The following COG6 variants were observed in gnomAD, a reference collection of about 807,000 sequenced individuals.
The protein encoded by COG6 is component of oligomeric golgi complex 6.
COG6 carries 74 observed loss-of-function variants against 88.8 expected under a neutral mutation model. That is an observed-to-expected ratio of 0.83 (90% CI 0.69 to 1.01). COG6 has a LOEUF of 1.01. Ranked by LOEUF, COG6 falls within the 50% of genes least tolerant of loss-of-function variation. COG6 has a pLI of 0.00. For synonymous variants in COG6, 286 were observed against 278.7 expected (o/e 1.03, Z -0.26); for missense variants, 800 against 797.9 (o/e 1.00, Z -0.03).
intron 17 of COG6, among the ~76,000 whole-genome samples, chr13:39,725,253 A>G (rs1488244426): frequency 1.3e-5 from 2 of 151,924 alleles, no homozygotes; most frequent in African/African-American, 4.8e-5. Context: ...AACAACAGCC[A>G]TTAACATTAG....
chr13:39,739,834 T>C (rs900482366), intron 18 of COG6, among the ~76,000 whole-genome samples: 2 of 152,154 alleles, frequency 1.3e-5, no homozygotes, highest in Non-Finnish European at 1.5e-5. Flanking sequence ...ATAAAACTTA[T>C]TAATTTTAAA....
At chr13:39,656,404 A>T (rs1303233023) in intron 1 of COG6, 2 of 338,626 alleles carry the variant, frequency 5.9e-6, no homozygotes, top group Non-Finnish European at 1.2e-5. Flanking sequence ...GGCTGAAATG[A>T]ACTCATATCT....
At position 39,673,012 on chromosome 13, in the gene COG6, T is replaced by C. The variant is rs572894656; in HGVS notation, c.429-4456T>C. Reference sequence around the variant, plus strand: ...ATGTCAAGCATCTTTTTTTTGCTTATTGGTATTTGCATATTTTCTTTGGAG... The same window carrying C: ...ATGTCAAGCATCTTTTTTTTGCTTACTGGTATTTGCATATTTTCTTTGGAG... On this transcript the variant is annotated intron_variant, in intron 4 of 18. Coordinates refer to ENST00000455146, the MANE Select transcript of COG6 (RefSeq NM_020751.3). Among the ~76,000 whole-genome samples, 4 of 149,214 alleles carry C rather than the reference T, an allele frequency of 2.7e-5. No individual in the cohort carries two copies. The South Asian group carries it at 6.5e-4, about 24-fold the overall frequency.
chr13:39,681,964 T>C lies in COG6; in HGVS notation c.695-207T>C, dbSNP rs372020135. Among the ~76,000 whole-genome samples, 6 of 152,248 alleles carry C rather than the reference T, an allele frequency of 3.9e-5. No individual in the cohort carries two copies. In the South Asian group the frequency reaches 1.2e-3, roughly 32 times the overall value. On this transcript the variant is annotated intron_variant, in intron 7 of 18. Transcript: ENST00000455146. ...GGGGCATACCTGATAGCATATGTGGTCATTTAAAGTTATATAACTACTTAA... is the reference window on the plus strand; with the variant it reads ...GGGGCATACCTGATAGCATATGTGGCCATTTAAAGTTATATAACTACTTAA...
intron 18 of COG6, among the ~76,000 whole-genome samples, chr13:39,736,605 C>A (rs889851414): frequency 2.6e-5 from 4 of 152,110 alleles, no homozygotes; most frequent in Admixed American, 1.3e-4. Context: ...GCAGGAGAAT[C>A]GCTTGAACCT....
In COG6 at chr13:39,751,142, A is replaced by C; in HGVS notation, c.*49A>C. On this transcript the variant is annotated 3_prime_UTR_variant, in exon 19 of 19. Transcript: ENST00000455146. ...AAAATATGACCTCCCTAAAACACTGAAGGTTATTTTTTATTCTTTGAATTT... is the reference window on the plus strand; with the variant it reads ...AAAATATGACCTCCCTAAAACACTGCAGGTTATTTTTTATTCTTTGAATTT... The C allele has an allele frequency of 2.5e-6, 4 of 1,605,604 alleles. No homozygotes were observed. Among genetic ancestry groups the C allele is most frequent in the Non-Finnish European group, 3.4e-6 (4 of 1,174,908 alleles).
chr13:39,688,370 C>T (rs1041618121), intron 10 of COG6, among the ~76,000 whole-genome samples: 28 of 152,074 alleles, frequency 1.8e-4, no homozygotes, highest in Non-Finnish European at 2.9e-5. Context: ...GTTCTGCAGG[C>T]AGTAGAGGAA....
chr13:39,752,146 GC>G lies in COG6; in HGVS notation c.*1054del, dbSNP rs1880673928. 1 of 1,178,910 alleles carries G rather than the reference GC, an allele frequency of 8.5e-7. No homozygotes were observed. The highest frequency in any genetic ancestry group is 3.6e-5 in the Admixed American group (1 of 27,928). 73.0% of individuals were successfully genotyped at this position (1,178,910 alleles called of 1,614,324 possible). ...TGTGCCTGATTTGACATTCTTGTCA[GC>G]AAAAAAAAACTTAATTTCTAGTAAA... On this transcript the variant is annotated 3_prime_UTR_variant, in exon 19 of 19. Transcript: ENST00000455146.
chr13:39,698,452 C>T (rs1311677337), intron 12 of COG6, among the ~76,000 whole-genome samples: 1 of 151,712 alleles, frequency 6.6e-6, no homozygotes, highest in African/African-American at 2.4e-5. Flanking sequence ...TAGTATTTTG[C>T]TGTTTGCTAT....
rs532653643 is a variant in COG6, at chr13:39,743,451, T to C, written c.1827-7495T>C. Among the ~76,000 whole-genome samples the C allele has an allele frequency of 3.9e-5, 6 of 152,218 alleles. No homozygotes were observed. The South Asian group carries it at 1.2e-3, about 32-fold the overall frequency. On this transcript the variant is annotated intron_variant, in intron 18 of 18. Coordinates refer to ENST00000455146, the MANE Select transcript of COG6 (RefSeq NM_020751.3). The stretch of plus-strand genomic sequence containing the variant: ...CCACTGATACCACAGACATACAAAC[T>C]ACCATCAGAGAATACTATAAACACC...
chr13:39,691,170 T>TA (rs1323843516), intron 11 of COG6, among the ~76,000 whole-genome samples: 4 of 151,824 alleles, frequency 2.6e-5, no homozygotes, highest in African/African-American at 9.7e-5. Context: ...ATTTTATAAA[T>TA]ACTATAATTT....
At chr13:39,688,693 G>A (rs757328561) in intron 10 of COG6, among the ~76,000 whole-genome samples, 1 of 152,112 alleles carries the variant, frequency 6.6e-6, no homozygotes, top group Non-Finnish European at 1.5e-5. Context: ...TGTACTAAAT[G>A]TACTTAAAAT....
intron 13 of COG6, among the ~76,000 whole-genome samples, chr13:39,718,113 T>C (rs1048423138): frequency 1.3e-5 from 2 of 152,180 alleles, no homozygotes; most frequent in African/African-American, 4.8e-5. Flanking sequence ...AGAATGTTTC[T>C]GTTGAGGTGT....
At chr13:39,705,459 G>A (rs1461641084) in intron 13 of COG6, among the ~76,000 whole-genome samples, 4 of 152,034 alleles carry the variant, frequency 2.6e-5, no homozygotes, top group African/African-American at 7.2e-5. Context: ...CAAATCTAGT[G>A]AAGTTTAAAG....
intron 4 of COG6, among the ~76,000 whole-genome samples, chr13:39,673,876 G>A (rs968824934): frequency 4.6e-5 from 7 of 151,660 alleles, no homozygotes; most frequent in Non-Finnish European, 1.0e-4. Flanking sequence ...TTTATATCAA[G>A]AGGATCATTT....
At chr13:39,675,884 A>G (rs1452277249) in intron 4 of COG6, among the ~76,000 whole-genome samples, 1 of 152,142 alleles carries the variant, frequency 6.6e-6, no homozygotes, top group East Asian at 1.9e-4. Context: ...AAAATATAAA[A>G]CAAAACCTGT....
At chr13:39,760,878 G>A (rs549446608) in intron 18 of COG6, among the ~76,000 whole-genome samples, 66 of 151,982 alleles carry the variant, frequency 4.3e-4, no homozygotes, top group African/African-American at 1.6e-3. Context: ...ATTCATTCCT[G>A]CACCAACAAC....
At chr13:39,693,256 G>A (rs1358970767) in intron 11 of COG6, among the ~76,000 whole-genome samples, 3 of 151,798 alleles carry the variant, frequency 2.0e-5, no homozygotes, top group African/African-American at 7.3e-5. Context: ...GTTGGAAATT[G>A]TTTTTGTTTT....
chr13:39,700,944 G>C (rs770880296), intron 13 of COG6, among the ~76,000 whole-genome samples: 1 of 151,680 alleles, frequency 6.6e-6, no homozygotes, highest in African/African-American at 2.4e-5. Flanking sequence ...ATAGAAGAAA[G>C]AAATAGAATA....
Sources: gnomAD v4.1 joint callset for allele counts (sites outside exome capture counted in the v4.1 genomes callset) on GRCh38, gnomAD v4.1.1 for gene constraint, MANE v1.5 for transcripts, NCBI Gene and HGNC (gene_info 2026-07-23, HGNC 2026-07-21) for gene names.